ITPR1: variants seen among roughly 807,000 people sequenced by gnomAD.
ITPR1 encodes the protein inositol 1,4,5-trisphosphate receptor type 1, also known as inositol 1,4,5-trisphosphate-gated calcium channel ITPR1.
ITPR1 carries 96 observed loss-of-function variants against 318.4 expected under a neutral mutation model. The ratio of observed to expected loss-of-function variants is 0.30; its 90% confidence interval spans 0.26 to 0.36. The LOEUF (loss-of-function observed/expected upper bound fraction) is 0.36, where lower values mean the gene tolerates loss of function less well. ITPR1 is among the 10% of genes least tolerant of loss of function. The pLI is 1.00. For synonymous variants in ITPR1, 1,312 were observed against 1,289.9 expected, an observed-to-expected ratio of 1.02 and a Z score of -0.37; for missense variants, 2,440 against 3,460.2, an observed-to-expected ratio of 0.71 and a Z score of 7.40.
At chr3:4,784,037 T>G (rs1372999860) in intron 51 of ITPR1, 117 bp downstream of exon 51, 2 of 724,162 alleles carry the variant, frequency 2.8e-6, no homozygotes, top group Non-Finnish European at 4.7e-6. Flanking sequence ...GAGTGTGTAC[T>G]GTGTGCTAGG....
intron 10 of ITPR1, 112 bp from the exon 11 acceptor site, chr3:4,652,011 C>G: frequency 1.2e-6 from 1 of 831,444 alleles, no homozygotes; most frequent in East Asian, 2.7e-5. Flanking sequence ...TGCTGATTTT[C>G]TTTTTCTAGC....
At chr3:4,766,905 T>C (rs911380390) in intron 45 of ITPR1, among the ~76,000 whole-genome samples, 195 bp downstream of exon 45, 2 of 152,252 alleles carry the variant, frequency 1.3e-5, no homozygotes, top group East Asian at 1.9e-4. Context: ...AGGATCTTCC[T>C]GTTTAATAAA....
At chr3:4,784,102 T>A (rs2047009023) in intron 51 of ITPR1, among the ~76,000 whole-genome samples, 182 bp downstream of exon 51, 1 of 152,092 alleles carries the variant, frequency 6.6e-6, no homozygotes, top group Non-Finnish European at 1.5e-5. Flanking sequence ...TTGCTGCTTG[T>A]GGTCCGGTGG....
intron 4 of ITPR1, among the ~76,000 whole-genome samples, chr3:4,596,798 A>G (rs1345467395): frequency 1.3e-5 from 2 of 152,162 alleles, no homozygotes; most frequent in African/African-American, 4.8e-5. Flanking sequence ...TGCTCATTAT[A>G]TAGGGCAAGC....
intron 45 of ITPR1, 41 bp from the exon 46 acceptor site, chr3:4,768,470 G>A (rs2045960632): frequency 6.4e-7 from 1 of 1,563,284 alleles, no homozygotes; most frequent in Admixed American, 1.8e-5. Context: ...TAGGGCCCAT[G>A]AGGACTCTGC....
intron 51 of ITPR1, among the ~76,000 whole-genome samples, chr3:4,787,615 T>A (rs1305983687): frequency 6.6e-6 from 1 of 150,558 alleles, no homozygotes; most frequent in East Asian, 2.0e-4. Flanking sequence ...GGAGAATCAC[T>A]TAAACCCAGG....
intron 4 of ITPR1, among the ~76,000 whole-genome samples, chr3:4,574,461 A>C (rs1168345274): frequency 6.6e-6 from 1 of 152,224 alleles, no homozygotes; most frequent in Non-Finnish European, 1.5e-5. Flanking sequence ...TGTGAATTAT[A>C]TAATAGAATC....
At chr3:4,549,254 ATT>A (rs2085322703) in intron 4 of ITPR1, among the ~76,000 whole-genome samples, 1 of 152,202 alleles carries the variant, frequency 6.6e-6, no homozygotes, top group Non-Finnish European at 1.5e-5. Flanking sequence ...TTTAGTAATC[ATT>A]GTTTGCATTT....
chr3:4,832,328 C>T (rs925236745), intron 60 of ITPR1, among the ~76,000 whole-genome samples: 3 of 152,124 alleles, frequency 2.0e-5, no homozygotes, highest in Non-Finnish European at 4.4e-5. Flanking sequence ...AGGCTTTATC[C>T]CTAGGATGGG....
intron 60 of ITPR1, among the ~76,000 whole-genome samples, chr3:4,829,272 C>A (rs951546059): frequency 2.6e-5 from 4 of 152,138 alleles, no homozygotes; most frequent in Non-Finnish European, 4.4e-5. Flanking sequence ...ATTGCTTTTT[C>A]TACTGACACA....
chr3:4,599,450 G>T (rs938952251), intron 4 of ITPR1, among the ~76,000 whole-genome samples: 3 of 152,226 alleles, frequency 2.0e-5, no homozygotes, highest in African/African-American at 7.2e-5. Context: ...TCTAGCCACA[G>T]TGGATTAGCA....
intron 4 of ITPR1, among the ~76,000 whole-genome samples, chr3:4,565,006 A>G (rs1034148444): frequency 3.9e-5 from 6 of 152,214 alleles, no homozygotes; most frequent in Non-Finnish European, 7.3e-5. Flanking sequence ...CAATACCTGC[A>G]AACATTTTGA....
intron 4 of ITPR1, among the ~76,000 whole-genome samples, chr3:4,566,606 A>G (rs12492268): frequency 1.0e-4 from 12 of 119,110 alleles, no homozygotes; most frequent in African/African-American, 3.0e-4. Context: ...GGACACATGC[A>G]CACACACACA....
intron 4 of ITPR1, among the ~76,000 whole-genome samples, chr3:4,546,980 G>T (rs2085080865): frequency 6.6e-6 from 1 of 152,170 alleles, no homozygotes; most frequent in Non-Finnish European, 1.5e-5. Context: ...GTTTGTCCCT[G>T]ACTAGCAGTG....
At chr3:4,762,181 T>A (rs1417313871) in intron 44 of ITPR1, among the ~76,000 whole-genome samples, 1 of 152,224 alleles carries the variant, frequency 6.6e-6, no homozygotes, top group Non-Finnish European at 1.5e-5. Flanking sequence ...TTTTTTTTAT[T>A]TCATTGAGAC....
chr3:4,618,657 T>C (rs1319426986), intron 4 of ITPR1, among the ~76,000 whole-genome samples: 1 of 152,206 alleles, frequency 6.6e-6, no homozygotes, highest in Non-Finnish European at 1.5e-5. Context: ...CTCCAATTCC[T>C]CAGCATGTTT....
chr3:4,545,837 A>G (rs1322416458), intron 4 of ITPR1, among the ~76,000 whole-genome samples: 1 of 151,610 alleles, frequency 6.6e-6, no homozygotes, highest in African/African-American at 2.4e-5. Flanking sequence ...AGTCAGGACT[A>G]TAGGCTAGGA....
At chr3:4,685,678 T>C (rs2094381121) in intron 30 of ITPR1, among the ~76,000 whole-genome samples, 1 of 152,236 alleles carries the variant, frequency 6.6e-6, no homozygotes. Context: ...GATGCTTTGA[T>C]CTAGGTCTTC....
intron 44 of ITPR1, among the ~76,000 whole-genome samples, chr3:4,738,567 T>C (rs2043452150): frequency 6.6e-6 from 1 of 152,038 alleles, no homozygotes. Context: ...AACAATGAAG[T>C]ATAGTGGCTG....
Sources: allele counts gnomAD v4.1 joint callset (sites outside exome capture counted in the v4.1 genomes callset), GRCh38; gene constraint gnomAD v4.1.1; transcripts MANE v1.5; gene names NCBI Gene and HGNC (gene_info 2026-07-23, HGNC 2026-07-21).